The following BCL2 variants were observed in gnomAD, a reference collection of about 807,000 sequenced individuals.
BCL2 encodes the protein apoptosis regulator Bcl-2.
Under a neutral mutation model 14.2 loss-of-function variants are expected in BCL2, and 1 was observed. The ratio of observed to expected loss-of-function variants is 0.07; its 90% CI spans 0.02 to 0.33. BCL2 has a LOEUF of 0.33. Among genes scored for constraint, BCL2 ranks in the 10% least tolerant of loss-of-function variants. BCL2 has a pLI of 0.99. For synonymous variants in BCL2, 151 were observed against 137.2 expected, an observed-to-expected ratio of 1.10 and a Z score of -0.70; for missense variants, 247 against 305.9, an observed-to-expected ratio of 0.81 and a Z score of 1.44.
intron 2 of BCL2, among the ~76,000 whole-genome samples, chr18:63,192,903 CTT>C (rs1192687769): frequency 1.3e-5 from 2 of 152,190 alleles, no homozygotes; most frequent in Non-Finnish European, 2.9e-5. Flanking sequence ...TTTTCAATAT[CTT>C]TGAAATTCTG....
chr18:63,192,149 A>G (rs1489722973), intron 2 of BCL2, among the ~76,000 whole-genome samples: 1 of 152,194 alleles, frequency 6.6e-6, no homozygotes, highest in Non-Finnish European at 1.5e-5. Flanking sequence ...AAGTAGGGTG[A>G]TAGGAGAGGG....
intron 2 of BCL2, among the ~76,000 whole-genome samples, chr18:63,199,050 AGAC>A (rs1383322254): frequency 6.6e-6 from 1 of 151,420 alleles, no homozygotes; most frequent in Non-Finnish European, 1.5e-5. Context: ...GACATACAAA[AGAC>A]ACACACACTA....
chr18:63,190,832 A>T (rs1909270754), intron 2 of BCL2, among the ~76,000 whole-genome samples: 1 of 151,834 alleles, frequency 6.6e-6, no homozygotes. Flanking sequence ...TGCATTAGCT[A>T]TTTGTCCTGA....
chr18:63,283,766 C>A (rs544321405), intron 2 of BCL2, among the ~76,000 whole-genome samples: 2 of 152,142 alleles, frequency 1.3e-5, no homozygotes, highest in African/African-American at 4.8e-5. Context: ...CAATTCTATC[C>A]CTCCTAAGTC....
chr18:63,173,285 GA>G (rs1915271252), intron 2 of BCL2, among the ~76,000 whole-genome samples: 1 of 152,026 alleles, frequency 6.6e-6, no homozygotes, highest in South Asian at 2.1e-4. Flanking sequence ...GTAAGATGAA[GA>G]AAAATTCTGT....
intron 2 of BCL2, among the ~76,000 whole-genome samples, chr18:63,277,390 TGGGAGACCAA>T (rs1306080656): frequency 6.6e-6 from 1 of 151,940 alleles, no homozygotes; most frequent in Non-Finnish European, 1.5e-5. Context: ...CCCAATGCTT[TGGGAGACCAA>T]GGAAGGAAAA....
chr18:63,296,299 C>T (rs1168602710), intron 2 of BCL2, among the ~76,000 whole-genome samples: 1 of 152,098 alleles, frequency 6.6e-6, no homozygotes, highest in Non-Finnish European at 1.5e-5. Context: ...TTAGAAACTA[C>T]TGAAGTCCTT....
chr18:63,240,695 G>A lies in BCL2; in HGVS notation c.585+77387C>T, dbSNP rs958368967. 3.2e-4 allele frequency among the ~76,000 whole-genome samples: 49 copies of A among 152,190 alleles called. 1 individual carries two copies. Among genetic ancestry groups the A allele is most frequent in the Admixed American group, 2.7e-3 (42 of 15,286 alleles). Reference sequence around the variant, plus strand: ...CATTTCCCAATTCCCTGCCTTTGTCGGAGGCTCTCATCATCTCTAAACTAC... The same window carrying A: ...CATTTCCCAATTCCCTGCCTTTGTCAGAGGCTCTCATCATCTCTAAACTAC... On this transcript the variant is annotated intron_variant, in intron 2 of 2. Transcript: ENST00000333681.
In BCL2 at chr18:63,318,069, C is replaced by A. The variant is rs771226616; in HGVS notation, c.585+13G>T. ...TGGCCTCAGCCCAGACTCACATCAC[C>A]AAGTGCACCTACCCAGCCTCCGTTA... is the stretch of plus-strand genomic sequence containing the variant. On this transcript the variant is annotated intron_variant, in intron 2 of 2. Transcript: ENST00000333681. The surrounding 1 kb of genome is among the most constrained non-coding windows in gnomAD (Gnocchi z 7.4). The A allele has an allele frequency of 6.2e-7, 1 of 1,613,466 alleles. No individual in the cohort carries two copies. Among genetic ancestry groups the A allele is most frequent in the Admixed American group, 1.7e-5 (1 of 59,986 alleles).
At chr18:63,136,303 G>A (rs1334718561) in intron 2 of BCL2, among the ~76,000 whole-genome samples, 6 of 152,066 alleles carry the variant, frequency 3.9e-5, no homozygotes, top group Non-Finnish European at 8.8e-5. Flanking sequence ...ACATCCCCTA[G>A]GGAGTTCGAT....
chr18:63,134,417 C>T (rs1047838392), intron 2 of BCL2, among the ~76,000 whole-genome samples: 7 of 152,258 alleles, frequency 4.6e-5, no homozygotes, highest in Admixed American at 6.5e-5. Flanking sequence ...GCAACAGGCC[C>T]CCGGTTAAGT....
Position 63,188,134 on chromosome 18 carries a change from C to A in BCL2, c.586-59375G>T, listed in dbSNP as rs117331626. 5.3e-3 allele frequency among the ~76,000 whole-genome samples: 805 copies of A among 152,278 alleles called. 4 individuals are homozygous for A. Among genetic ancestry groups the A allele is most frequent in the Non-Finnish European group, 8.5e-3 (576 of 68,004 alleles). ...GAAAATGCTAGCAAGCCATAACAAT[C>A]CAAAGCATGTTTTCTATCTCTTTTT... On this transcript the variant is annotated intron_variant, in intron 2 of 2. Transcript: ENST00000333681.
intron 2 of BCL2, among the ~76,000 whole-genome samples, chr18:63,159,524 C>T (rs956027635): frequency 7.2e-5 from 11 of 152,166 alleles, no homozygotes; most frequent in African/African-American, 2.4e-4. Flanking sequence ...CTTTTACTTT[C>T]CATTTTTACA....
At chr18:63,302,828 G>A (rs938085761) in intron 2 of BCL2, 25 of 985,128 alleles carry the variant, frequency 2.5e-5, no homozygotes, top group Non-Finnish European at 2.9e-5. Context: ...CCTTAGCCCT[G>A]CAAATAACAC....
At chr18:63,175,491 C>G (rs1031319803) in intron 2 of BCL2, among the ~76,000 whole-genome samples, 1 of 152,222 alleles carries the variant, frequency 6.6e-6, no homozygotes, top group Non-Finnish European at 1.5e-5. Context: ...CACAGCTGGG[C>G]AACCTAGGTG....
Position 63,169,369 on chromosome 18 carries a change from C to CTTTCTTTCTTTCTTTCTTTCTCTT in BCL2, c.586-40611_586-40610insAAGAGAAAGAAAGAAAGAAAGAAA, listed in dbSNP as rs372286465. ...TCTTTCTTTCTTTCTTTCTTTCTTT[C>CTTTCTTTCTTTCTTTCTTTCTCTT]TCTTTCTTTCTTTCTTTCTTTTTCT... is the stretch of plus-strand genomic sequence containing the variant. On this transcript the variant is annotated intron_variant, in intron 2 of 2. Coordinates refer to ENST00000333681, the MANE Select transcript of BCL2 (RefSeq NM_000633.3). Among the ~76,000 whole-genome samples, 153 of 69,546 alleles carry CTTTCTTTCTTTCTTTCTTTCTCTT rather than the reference C, an allele frequency of 2.2e-3. 17 individuals are homozygous for CTTTCTTTCTTTCTTTCTTTCTCTT. The highest frequency in any genetic ancestry group is 0.014 in the African/African-American group (139 of 10,122). The allele number at this position is 69,546 out of a possible 152,430, so 45.6% of individuals were successfully genotyped here. A position where few individuals can be genotyped will look rare whatever the true frequency, so the allele number is the denominator to read the frequency against.
intron 2 of BCL2, among the ~76,000 whole-genome samples, chr18:63,293,292 A>G (rs1471098083): frequency 6.6e-6 from 1 of 152,206 alleles, no homozygotes; most frequent in Non-Finnish European, 1.5e-5. Context: ...AACATATTCA[A>G]ACCCTGAACA....
Position 63,185,706 on chromosome 18 carries a change from G to A in BCL2, c.586-56947C>T, listed in dbSNP as rs144763557. ...ATGTTTTATTTGTATTAATTATTTC[G>A]GCTTCACAACCCTATGAGGTAGGTA... On this transcript the variant is annotated intron_variant, in intron 2 of 2. Coordinates refer to ENST00000333681, the MANE Select transcript of BCL2 (RefSeq NM_000633.3). Among the ~76,000 whole-genome samples, 549 of 152,142 alleles carry A rather than the reference G, an allele frequency of 3.6e-3. 5 individuals are homozygous for A. The highest frequency in any genetic ancestry group is 0.012 in the African/African-American group (507 of 41,474).
intron 2 of BCL2, among the ~76,000 whole-genome samples, chr18:63,193,015 T>A (rs1909329247): frequency 6.6e-6 from 1 of 152,216 alleles, no homozygotes; most frequent in Non-Finnish European, 1.5e-5. Flanking sequence ...TGATGAAATG[T>A]CACACTCAAC....
Sources: allele counts gnomAD v4.1 joint callset (sites outside exome capture counted in the v4.1 genomes callset), GRCh38; gene constraint gnomAD v4.1.1; non-coding constraint Gnocchi (gnomAD v3.1); transcripts MANE v1.5; gene names NCBI Gene and HGNC (gene_info 2026-07-23, HGNC 2026-07-21).